The following DENND5B variants were observed in gnomAD, a reference collection of about 807,000 sequenced individuals.
DENND5B encodes DENN domain-containing protein 5B.
DENND5B carries 34 observed loss-of-function variants against 140.6 expected under a neutral mutation model. The ratio of observed to expected loss-of-function variants is 0.24; its 90% CI spans 0.18 to 0.32. The LOEUF (loss-of-function observed/expected upper bound fraction) is 0.32. Among genes scored for constraint, DENND5B ranks in the 10% least tolerant of loss-of-function variants. The probability of loss-of-function intolerance (pLI) is 1.00; values close to 1 mark genes in which losing one functional copy is unlikely to be tolerated. For missense variants in DENND5B, 1,142 were observed against 1,560.2 expected, an observed-to-expected ratio of 0.73 and a Z score of 4.52; for synonymous variants, 551 against 562.1, an observed-to-expected ratio of 0.98 and a Z score of 0.28.
chr12:31,523,502 C>T (rs1208433417), intron 1 of DENND5B, among the ~76,000 whole-genome samples: 1 of 151,940 alleles, frequency 6.6e-6, no homozygotes, highest in Non-Finnish European at 1.5e-5. Flanking sequence ...TCTCTCATAC[C>T]ATTTCACCAA....
At position 31,480,133 on chromosome 12, in the gene DENND5B, AT is replaced by A; in HGVS notation, c.359del (p.Tyr120LeufsTer52). On this transcript the variant is annotated frameshift_variant, in exon 3 of 21. Transcript: ENST00000389082. LOFTEE classifies it high-confidence loss of function. ...AGATTTGCTTACTTGTAACTTCTTC[AT>A]AAAAAGTGAGAACAAAACCATAGGT... ...SRTYGFVLTF[Y>X]EEVTSKQICT... The A allele has an allele frequency of 6.2e-7, 1 of 1,611,878 alleles. No homozygotes were observed. Among genetic ancestry groups the A allele is most frequent in the Non-Finnish European group, 8.5e-7 (1 of 1,178,792 alleles).
intron 1 of DENND5B, among the ~76,000 whole-genome samples, chr12:31,558,267 C>T (rs1441375883): frequency 6.6e-6 from 1 of 151,952 alleles, no homozygotes; most frequent in Admixed American, 6.6e-5. Flanking sequence ...TCAGAACCCA[C>T]CCCCCAACCC....
chr12:31,494,177 TATCTATCCATCCATCC>T (rs1288679206), intron 2 of DENND5B, among the ~76,000 whole-genome samples: 17 of 81,696 alleles, frequency 2.1e-4, no homozygotes, highest in Admixed American at 1.4e-3. Context: ...TCTATCTATC[TATCTATCCATCCATCC>T]ATCCATCCAC....
rs1160012714 is a variant in DENND5B at position 31,382,531 on chromosome 12, C to T, written c.*5072G>A. 2.6e-5 allele frequency: 4 copies of T among 152,092 alleles called. No individual in the cohort carries two copies. The East Asian group carries it at 5.8e-4, about 22-fold the overall frequency. 9.4% of individuals were successfully genotyped at this position (152,092 alleles called of 1,614,324 possible). A position where few individuals can be genotyped will look rare whatever the true frequency, so the allele number is the denominator to read the frequency against. ...CACAGAGCATTCTAAATGTTTCACA[C>T]CCTCATTTGATTGACAACAGGAACT... On this transcript the variant is annotated 3_prime_UTR_variant, in exon 21 of 21. Coordinates refer to ENST00000389082, the MANE Select transcript of DENND5B (RefSeq NM_144973.4).
At chr12:31,460,087 A>C in intron 4 of DENND5B, 107 bp downstream of exon 4, 1 of 1,080,810 alleles carries the variant, frequency 9.3e-7, no homozygotes, top group Non-Finnish European at 1.3e-6. Flanking sequence ...GATTTAGGAG[A>C]GTCAAAGAGA....
rs1346916403 is a variant in DENND5B, at chr12:31,386,480, A to G, written c.*1123T>C. 1 of 152,120 alleles carries G rather than the reference A, an allele frequency of 6.6e-6. No individual in the cohort carries two copies. Among genetic ancestry groups the G allele is most frequent in the East Asian group, 1.9e-4 (1 of 5,204 alleles). The allele number at this position is 152,120 out of a possible 1,614,324, so 9.4% of individuals were successfully genotyped here. On this transcript the variant is annotated 3_prime_UTR_variant, in exon 21 of 21. Coordinates refer to ENST00000389082, the MANE Select transcript of DENND5B (RefSeq NM_144973.4). Reference sequence around the variant, plus strand: ...GTTTTACATTATTACTCCCCTTCCTACAAAGGAACGTAAAGCTTGCCCTGA... The same window carrying G: ...GTTTTACATTATTACTCCCCTTCCTGCAAAGGAACGTAAAGCTTGCCCTGA...
intron 2 of DENND5B, among the ~76,000 whole-genome samples, chr12:31,487,699 C>CA (rs1188936255): frequency 1.3e-5 from 2 of 151,734 alleles, no homozygotes; most frequent in African/African-American, 2.4e-5. Flanking sequence ...GAGACTGTCT[C>CA]AAAAAAACAA....
chr12:31,387,738 G>A lies in DENND5B; in HGVS notation c.3690C>T (p.Ala1230=). Residue 1230 remains alanine, a synonymous_variant, in exon 21 of 21, where the codon GCC becomes GCT. Transcript: ENST00000389082. ...QWIPLLAECP[A]ITRMYEESAL... is the part of the protein sequence containing the mutation. ...CGCTCTCTTCATACATTCGAGTGAT[G>A]GCAGGACACTCAGCTAACAATGGAA... is the stretch of plus-strand genomic sequence containing the variant. 6.2e-7 allele frequency: 1 copy of A among 1,614,008 alleles called. No homozygotes were observed. Among genetic ancestry groups the A allele is most frequent in the South Asian group, 1.1e-5 (1 of 91,066 alleles).
chr12:31,535,046 C>T (rs1948433833), intron 1 of DENND5B: 2 of 190,690 alleles, frequency 1.0e-5, no homozygotes, highest in East Asian at 2.1e-4. Context: ...TGCACCCAAG[C>T]CTGGGTGACA....
At chr12:31,586,235 C>A (rs1032239485) in intron 1 of DENND5B, among the ~76,000 whole-genome samples, 1 of 152,140 alleles carries the variant, frequency 6.6e-6, no homozygotes, top group Non-Finnish European at 1.5e-5. Context: ...GCATGATTTA[C>A]CTCCATTTAT....
At chr12:31,534,314 G>A (rs78980041) in intron 1 of DENND5B, among the ~76,000 whole-genome samples, 1,712 of 151,928 alleles carry the variant, frequency 0.011, 19 homozygotes, top group East Asian at 0.032. Flanking sequence ...CATGTGCCAC[G>A]ATACTCAGCT....
At chr12:31,444,871 A>T (rs1334961908) in intron 6 of DENND5B, among the ~76,000 whole-genome samples, 1 of 152,208 alleles carries the variant, frequency 6.6e-6, no homozygotes, top group Admixed American at 6.5e-5. Flanking sequence ...GGCTCCAGGG[A>T]TCTACCCTGA....
intron 14 of DENND5B, 82 bp from the exon 15 acceptor site, chr12:31,402,725 G>T: frequency 1.4e-6 from 2 of 1,440,196 alleles, no homozygotes; most frequent in Non-Finnish European, 1.8e-6. Flanking sequence ...AACTCTTGTT[G>T]GTTTTCATTG....
chr12:31,468,038 G>A (rs1385879032), intron 3 of DENND5B, among the ~76,000 whole-genome samples: 1 of 152,112 alleles, frequency 6.6e-6, no homozygotes. Context: ...AGAATTGCTT[G>A]AGCCCAGGAG....
At chr12:31,541,606 A>C in intron 1 of DENND5B, among the ~76,000 whole-genome samples, 1 of 152,220 alleles carries the variant, frequency 6.6e-6, no homozygotes, top group East Asian at 1.9e-4. Context: ...GTGGGAATGT[A>C]AATTAGTACA....
At chr12:31,531,465 G>A (rs1948278348) in intron 1 of DENND5B, among the ~76,000 whole-genome samples, 1 of 152,164 alleles carries the variant, frequency 6.6e-6, no homozygotes. Context: ...CAAAGTGCTG[G>A]GATTACAGGC....
At chr12:31,431,757 A>C (rs1372036925) in intron 8 of DENND5B, among the ~76,000 whole-genome samples, 1 of 152,136 alleles carries the variant, frequency 6.6e-6, no homozygotes, top group South Asian at 2.1e-4. Context: ...CTTTGAAGTA[A>C]GGCAATTTGC....
intron 7 of DENND5B, among the ~76,000 whole-genome samples, chr12:31,433,730 G>A (rs1384767895): frequency 6.6e-6 from 1 of 152,108 alleles, no homozygotes; most frequent in Non-Finnish European, 1.5e-5. Flanking sequence ...ACCTTTTAAG[G>A]AAAGATTTCT....
rs754987570 is a variant in DENND5B, at chr12:31,426,338, G to T, written c.2193C>A (p.Thr731=). The T allele has an allele frequency of 1.2e-6, 2 of 1,611,016 alleles. No individual in the cohort carries two copies. The highest frequency in any genetic ancestry group is 3.4e-5 in the Admixed American group (2 of 59,536). The change falls in exon 9 of 21, where the codon ACC becomes ACA. Residue 731 remains threonine (T), a synonymous_variant. Transcript: ENST00000389082. ...SDLSPAVIAQ[T]NCKFVEGLLK... ...ATAAGCCTTCTACGAATTTACAGTT[G>T]GTCTGTGCAATAACTGCAGGAGAGA...
Sources: gnomAD v4.1 joint callset for allele counts (sites outside exome capture counted in the v4.1 genomes callset) on GRCh38, gnomAD v4.1.1 for gene constraint, MANE v1.5 for transcripts, NCBI Gene and HGNC (gene_info 2026-07-23, HGNC 2026-07-21) for gene names.